STXBP6: variants seen among roughly 807,000 people sequenced by gnomAD.
STXBP6 encodes syntaxin binding protein 6.
STXBP6 carries 21 observed loss-of-function variants against 26.9 expected under a neutral mutation model. The ratio of observed to expected loss-of-function variants is 0.78; its 90% confidence interval spans 0.55 to 1.12. The LOEUF is 1.12. Ranked by LOEUF, STXBP6 falls within the 50% of genes most tolerant of loss-of-function variation. The probability of loss-of-function intolerance (pLI) is 0.00; values close to 1 mark genes in which losing one functional copy is unlikely to be tolerated. For missense variants in STXBP6, 232 were observed against 257.9 expected, an observed-to-expected ratio of 0.90 and a Z score of 0.69; for synonymous variants, 97 against 92.6, an observed-to-expected ratio of 1.05 and a Z score of -0.27.
At chr14:24,826,846 A>G (rs1174455201) in intron 4 of STXBP6, among the ~76,000 whole-genome samples, 1 of 152,218 alleles carries the variant, frequency 6.6e-6, no homozygotes, top group African/African-American at 2.4e-5. Flanking sequence ...GTGGCCTCAG[A>G]TAAGTTACTT....
intron 2 of STXBP6, among the ~76,000 whole-genome samples, chr14:24,916,008 T>C (rs547367682): frequency 2.0e-5 from 3 of 152,218 alleles, no homozygotes; most frequent in African/African-American, 7.2e-5. Flanking sequence ...TTAATGCAGT[T>C]ATAACTCCGA....
At chr14:25,006,962 C>T (rs1247219073) in intron 1 of STXBP6, among the ~76,000 whole-genome samples, 1 of 152,214 alleles carries the variant, frequency 6.6e-6, no homozygotes, top group African/African-American at 2.4e-5. Context: ...AACACACACT[C>T]CGACATTAGT....
Position 24,857,073 on chromosome 14 carries a change from C to G in STXBP6, c.239G>C (p.Trp80Ser). Residue 80 changes from tryptophan to serine, a missense_variant, in exon 3 of 6, where the codon TGG (tryptophan) becomes TCG (serine). By Grantham distance (177) the Trp-to-Ser change is radical (BLOSUM62 -3). Coordinates refer to ENST00000323944, the MANE Select transcript of STXBP6 (RefSeq NM_001394410.1). Reference sequence around the variant, plus strand: ...AACCTGGCGAAGCTGCTCGAGCATCCACTGTGATCTCCGAACAAATGATGT... The same window carrying G: ...AACCTGGCGAAGCTGCTCGAGCATCGACTGTGATCTCCGAACAAATGATGT... ...GSTSFVRRSQ[W>S]MLEQLRQVNG... The G allele has an allele frequency of 6.2e-7, 1 of 1,613,034 alleles. No individual in the cohort carries two copies. Among genetic ancestry groups the G allele is most frequent in the Non-Finnish European group, 8.5e-7 (1 of 1,179,266 alleles).
At chr14:24,962,726 G>T (rs2073590726) in intron 2 of STXBP6, among the ~76,000 whole-genome samples, 1 of 152,098 alleles carries the variant, frequency 6.6e-6, no homozygotes, top group Admixed American at 6.6e-5. Context: ...AGAGCACTAA[G>T]CAGGGCACAG....
At chr14:24,911,072 C>T (rs2071554725) in intron 2 of STXBP6, among the ~76,000 whole-genome samples, 1 of 152,078 alleles carries the variant, frequency 6.6e-6, no homozygotes, top group Non-Finnish European at 1.5e-5. Context: ...CACCTGTAAC[C>T]CCAGCACTTT....
intron 2 of STXBP6, among the ~76,000 whole-genome samples, chr14:24,965,349 T>C (rs1159913255): frequency 6.6e-6 from 1 of 152,120 alleles, no homozygotes; most frequent in East Asian, 1.9e-4. Flanking sequence ...TTTGCTGTTG[T>C]CTTATAAATG....
intron 1 of STXBP6, among the ~76,000 whole-genome samples, chr14:24,982,608 C>A (rs1170767362): frequency 1.3e-5 from 2 of 152,230 alleles, no homozygotes; most frequent in African/African-American, 4.8e-5. Context: ...GATTGGCTTT[C>A]TTTTCCCTGT....
intron 1 of STXBP6, among the ~76,000 whole-genome samples, chr14:25,033,535 T>C (rs879695697): frequency 9.2e-5 from 14 of 152,186 alleles, no homozygotes; most frequent in Admixed American, 3.9e-4. Context: ...CTTCCAGCCA[T>C]AGAGGGCTTC....
intron 1 of STXBP6, among the ~76,000 whole-genome samples, chr14:25,017,692 T>G (rs1348099935): frequency 6.6e-6 from 1 of 152,188 alleles, no homozygotes. Flanking sequence ...TGGGGAACAT[T>G]AAAGAGCAGG....
At position 24,975,090 on chromosome 14, in the gene STXBP6, T is replaced by C. The variant is rs140361272; in HGVS notation, c.-32-240A>G. Among the ~76,000 whole-genome samples, 270 of 152,270 alleles carry C rather than the reference T, an allele frequency of 1.8e-3. 3 individuals are homozygous for C. The highest frequency in any genetic ancestry group is 6.2e-3 in the African/African-American group (257 of 41,548). Reference sequence around the variant, plus strand: ...CTTCCCAAAAATGTCAAACACAATATGAGATGAGTAGTACAAACTGGGATC... The same window carrying C: ...CTTCCCAAAAATGTCAAACACAATACGAGATGAGTAGTACAAACTGGGATC... On this transcript the variant is annotated intron_variant, in intron 1 of 5. Coordinates refer to ENST00000323944, the MANE Select transcript of STXBP6 (RefSeq NM_001394410.1).
rs1203736059 is a variant in STXBP6 at position 24,810,934 on chromosome 14, T to C, written c.*1775A>G. On this transcript the variant is annotated 3_prime_UTR_variant, in exon 6 of 6. Coordinates refer to ENST00000323944, the MANE Select transcript of STXBP6 (RefSeq NM_001394410.1). ...AACTGAGATCTGCAAACAAAATCTA[T>C]TTGGAGTGATATTTGGGGCTTTTCC... 1 of 147,560 alleles carries C rather than the reference T, an allele frequency of 6.8e-6. No homozygotes were observed. Among genetic ancestry groups the C allele is most frequent in the African/African-American group, 2.5e-5 (1 of 40,152 alleles). The allele number at this position is 147,560 out of a possible 1,614,324, so 9.1% of individuals were successfully genotyped here. A position where few individuals can be genotyped will look rare whatever the true frequency, so the allele number is the denominator to read the frequency against.
Position 25,049,490 on chromosome 14 carries a change from T to C in STXBP6, c.-33+388A>G. Reference sequence around the variant, plus strand: ...GCAGCGACCCCGAGCTCCCCCACACTGGGAGCCTCGGGGCAGCATTCTCGG... The same window carrying C: ...GCAGCGACCCCGAGCTCCCCCACACCGGGAGCCTCGGGGCAGCATTCTCGG... On this transcript the variant is annotated intron_variant, in intron 1 of 5. Transcript: ENST00000323944. The surrounding 1 kb of genome is among the most constrained non-coding windows in gnomAD (Gnocchi z 5.6). 1.0e-6 allele frequency: 1 copy of C among 984,996 alleles called. No individual in the cohort carries two copies. Among genetic ancestry groups the C allele is most frequent in the Non-Finnish European group, 1.2e-6 (1 of 829,844 alleles). 61.0% of individuals were successfully genotyped at this position (984,996 alleles called of 1,614,324 possible). A position where few individuals can be genotyped will look rare whatever the true frequency, so the allele number is the denominator to read the frequency against.
chr14:24,848,757 T>C (rs2069048266), intron 4 of STXBP6, among the ~76,000 whole-genome samples: 2 of 152,178 alleles, frequency 1.3e-5, no homozygotes, highest in South Asian at 4.1e-4. Flanking sequence ...CAGAATTGGA[T>C]GGAACCTAAG....
intron 1 of STXBP6, among the ~76,000 whole-genome samples, chr14:25,023,623 A>C (rs2075297699): frequency 6.6e-6 from 1 of 152,116 alleles, no homozygotes; most frequent in Non-Finnish European, 1.5e-5. Context: ...AGCCTGGGCA[A>C]CATAGCAAGA....
chr14:25,003,877 T>C (rs1464622492), intron 1 of STXBP6, among the ~76,000 whole-genome samples: 1 of 152,260 alleles, frequency 6.6e-6, no homozygotes, highest in Non-Finnish European at 1.5e-5. Context: ...GACCTATTCA[T>C]ACTTGGTGAA....
At chr14:24,833,325 C>T (rs1000143446) in intron 4 of STXBP6, among the ~76,000 whole-genome samples, 4 of 152,182 alleles carry the variant, frequency 2.6e-5, no homozygotes, top group African/African-American at 9.7e-5. Context: ...GAGAGGTATT[C>T]TACCTATGTT....
intron 2 of STXBP6, among the ~76,000 whole-genome samples, chr14:24,889,765 C>T (rs1051708227): frequency 1.3e-5 from 2 of 152,080 alleles, no homozygotes; most frequent in African/African-American, 4.8e-5. Flanking sequence ...AGAATCAATC[C>T]AGGAGAGTCA....
intron 2 of STXBP6, among the ~76,000 whole-genome samples, chr14:24,960,813 A>G (rs1259679222): frequency 6.6e-6 from 1 of 152,258 alleles, no homozygotes; most frequent in Non-Finnish European, 1.5e-5. Context: ...TCTTGCATAC[A>G]GATAGGAAAA....
chr14:24,834,896 G>T (rs1157146765), intron 4 of STXBP6, among the ~76,000 whole-genome samples: 1 of 152,088 alleles, frequency 6.6e-6, no homozygotes, highest in Non-Finnish European at 1.5e-5. Flanking sequence ...ATTTGAGACT[G>T]GGAATTTCAA....
Sources: gnomAD v4.1 joint callset for allele counts (sites outside exome capture counted in the v4.1 genomes callset) on GRCh38, gnomAD v4.1.1 for gene constraint, Gnocchi (gnomAD v3.1) non-coding constraint, MANE v1.5 for transcripts, NCBI Gene and HGNC (gene_info 2026-07-23, HGNC 2026-07-21) for gene names.